DCC: variants seen among roughly 807,000 people sequenced by gnomAD.
DCC encodes DCC netrin 1 receptor.
In DCC, 58 loss-of-function variants were observed where a neutral mutation model predicts 172.5. The observed-to-expected ratio is 0.34, with a 90% CI of 0.27 to 0.42. The LOEUF (loss-of-function observed/expected upper bound fraction) is 0.42, where lower values mean the gene tolerates loss of function less well. Ranked by LOEUF, DCC falls within the 10% of genes least tolerant of loss-of-function variation. The probability of loss-of-function intolerance (pLI) is 1.00; values close to 1 mark genes in which losing one functional copy is unlikely to be tolerated. For synonymous variants in DCC, 709 were observed against 644.5 expected, an observed-to-expected ratio of 1.10 and a Z score of -1.52; for missense variants, 1,740 against 1,791.0, an observed-to-expected ratio of 0.97 and a Z score of 0.51.
intron 1 of DCC, among the ~76,000 whole-genome samples, chr18:52,715,178 G>C (rs966954699): frequency 6.6e-6 from 1 of 150,612 alleles, no homozygotes; most frequent in Non-Finnish European, 1.5e-5. Flanking sequence ...AACTCACTGT[G>C]GATTAGAATT....
chr18:52,911,729 CA>C (rs2039973265), intron 3 of DCC, among the ~76,000 whole-genome samples: 1 of 93,976 alleles, frequency 1.1e-5, no homozygotes, highest in Non-Finnish European at 2.8e-5. Context: ...TCATATTTAA[CA>C]TTTTTTTTTT....
chr18:53,152,494 T>C (rs892605920), intron 7 of DCC, among the ~76,000 whole-genome samples: 3 of 152,160 alleles, frequency 2.0e-5, no homozygotes, highest in Non-Finnish European at 2.9e-5. Flanking sequence ...TTCAAAACTA[T>C]GAATATTTGG....
At chr18:52,429,279 G>A (rs1987542385) in intron 1 of DCC, among the ~76,000 whole-genome samples, 1 of 152,038 alleles carries the variant, frequency 6.6e-6, no homozygotes, top group African/African-American at 2.4e-5. Context: ...GCTCAGGCAA[G>A]TTGTATAAAT....
At chr18:52,536,554 G>A (rs1144070) in intron 1 of DCC, among the ~76,000 whole-genome samples, 36,809 of 151,874 alleles carry the variant, frequency 0.24, 4,611 homozygotes, top group African/African-American at 0.3. Context: ...GAAAACATCA[G>A]TGTTTCTCAG....
Position 52,931,274 on chromosome 18 carries a change from T to C in DCC, c.985+5904T>C, listed in dbSNP as rs192534578. 7.9e-5 allele frequency among the ~76,000 whole-genome samples: 12 copies of C among 152,170 alleles called. No homozygotes were observed. In the East Asian group the frequency reaches 2.1e-3, roughly 27 times the overall value. On this transcript the variant is annotated intron_variant, in intron 5 of 28. Coordinates refer to ENST00000442544, the MANE Select transcript of DCC (RefSeq NM_005215.4). ...AATTGAATTTATTGCCTTCTTAAAA[T>C]GGATGATAAGAAAAGAACTTTATTA...
At chr18:53,196,199 G>A (rs985838021) in intron 9 of DCC, among the ~76,000 whole-genome samples, 11 of 152,056 alleles carry the variant, frequency 7.2e-5, no homozygotes, top group Non-Finnish European at 1.0e-4. Context: ...TTTATCTTCC[G>A]TTTGGTGTGT....
chr18:53,389,622 A>T (rs1330727596), intron 16 of DCC, among the ~76,000 whole-genome samples: 2 of 152,222 alleles, frequency 1.3e-5, no homozygotes, highest in Non-Finnish European at 2.9e-5. Context: ...CACACCTGAA[A>T]AAATATTATT....
chr18:52,904,635 A>G (rs1287766264), intron 2 of DCC, among the ~76,000 whole-genome samples: 1 of 152,196 alleles, frequency 6.6e-6, no homozygotes, highest in African/African-American at 2.4e-5. Flanking sequence ...TGAGACAATC[A>G]AGCTTTCTGG....
At chr18:53,395,880 T>A (rs1908902912) in intron 17 of DCC, among the ~76,000 whole-genome samples, 1 of 152,126 alleles carries the variant, frequency 6.6e-6, no homozygotes, top group African/African-American at 2.4e-5. Context: ...TGACCTCGAG[T>A]GATCCATCCG....
Position 52,742,763 on chromosome 18 carries a change from C to T in DCC, c.92-9291C>T, listed in dbSNP as rs548169682. Among the ~76,000 whole-genome samples, 5 of 151,976 alleles carry T rather than the reference C, an allele frequency of 3.3e-5. No homozygotes were observed. The South Asian group carries it at 1.0e-3, about 32-fold the overall frequency. On this transcript the variant is annotated intron_variant, in intron 1 of 28. Coordinates refer to ENST00000442544, the MANE Select transcript of DCC (RefSeq NM_005215.4). ...TTCCAAGTAGAAGTGAGAACTATGA[C>T]ATGTAGTATGAATGAGTTCCCCTTT...
intron 24 of DCC, among the ~76,000 whole-genome samples, chr18:53,464,042 A>G (rs868568994): frequency 4.9e-4 from 75 of 152,332 alleles, no homozygotes; most frequent in African/African-American, 1.7e-3. Flanking sequence ...CCACTAAAAT[A>G]TCTAGGAATT....
In DCC at chr18:52,405,384, G is replaced by A. The variant is rs1598791362; in HGVS notation, c.91+64506G>A. ...CTGGTGTGAGATGGTATCTCATTGTGGTTTTGATTTGCATTTCTCTGATGG... is the reference window on the plus strand; with the variant it reads ...CTGGTGTGAGATGGTATCTCATTGTAGTTTTGATTTGCATTTCTCTGATGG... On this transcript the variant is annotated intron_variant, in intron 1 of 28. Coordinates refer to ENST00000442544, the MANE Select transcript of DCC (RefSeq NM_005215.4). Among the ~76,000 whole-genome samples the A allele has an allele frequency of 9.8e-5, 13 of 132,658 alleles. No individual in the cohort carries two copies. The South Asian group carries it at 3.0e-3, about 30-fold the overall frequency. The allele number at this position is 132,658 out of a possible 152,430, so 87.0% of individuals were successfully genotyped here. A position where few individuals can be genotyped will look rare whatever the true frequency, so the allele number is the denominator to read the frequency against.
At chr18:53,415,077 A>G (rs939390221) in intron 20 of DCC, among the ~76,000 whole-genome samples, 5 of 152,178 alleles carry the variant, frequency 3.3e-5, no homozygotes, top group African/African-American at 1.2e-4. Context: ...AAACATTCTT[A>G]TTAGGCAATG....
chr18:52,893,279 G>A (rs981030527), intron 2 of DCC, among the ~76,000 whole-genome samples: 1 of 152,032 alleles, frequency 6.6e-6, no homozygotes, highest in Non-Finnish European at 1.5e-5. Context: ...CAAATGTAGA[G>A]TAAAAAGTAT....
At chr18:53,510,295 T>C (rs1207775623) in intron 27 of DCC, among the ~76,000 whole-genome samples, 1 of 152,186 alleles carries the variant, frequency 6.6e-6, no homozygotes, top group Middle Eastern at 3.2e-3. Context: ...TTGAACAGCA[T>C]ATGCAATCTG....
chr18:52,844,491 G>A (rs914681117), intron 2 of DCC, among the ~76,000 whole-genome samples: 3 of 152,116 alleles, frequency 2.0e-5, no homozygotes, highest in African/African-American at 7.2e-5. Context: ...TGTAACTCCA[G>A]TATTACCATG....
intron 12 of DCC, among the ~76,000 whole-genome samples, chr18:53,255,951 G>A (rs1326611774): frequency 6.6e-6 from 1 of 152,082 alleles, no homozygotes; most frequent in Non-Finnish European, 1.5e-5. Flanking sequence ...ATTTGCATTT[G>A]CCTGATAGCC....
At chr18:52,907,271 CATG>C (rs2039898693) in intron 3 of DCC, among the ~76,000 whole-genome samples, 1 of 142,536 alleles carries the variant, frequency 7.0e-6, no homozygotes. Context: ...TGGATATATA[CATG>C]ATATGTCATG....
At chr18:52,814,640 C>T (rs1350214614) in intron 2 of DCC, among the ~76,000 whole-genome samples, 1 of 152,114 alleles carries the variant, frequency 6.6e-6, no homozygotes, top group Non-Finnish European at 1.5e-5. Context: ...ACGCTTCCTC[C>T]CAAAATTATA....
Sources: allele counts gnomAD v4.1 joint callset (sites outside exome capture counted in the v4.1 genomes callset), GRCh38; gene constraint gnomAD v4.1.1; transcripts MANE v1.5; gene names NCBI Gene and HGNC (gene_info 2026-07-23, HGNC 2026-07-21).